Variants in SGIP1 observed in about 807,000 individuals in gnomAD.
The protein encoded by SGIP1 is SH3-containing GRB2-like protein 3-interacting protein 1.
In SGIP1, 38 loss-of-function variants were observed where a neutral mutation model predicts 107.5. That is an observed-to-expected ratio of 0.35 (90% CI 0.27 to 0.46). The LOEUF (loss-of-function observed/expected upper bound fraction) is 0.46. Among genes scored for constraint, SGIP1 ranks in the 20% least tolerant of loss-of-function variants. SGIP1 has a pLI of 1.00. For synonymous variants in SGIP1, 365 were observed against 366.1 expected, an observed-to-expected ratio of 1.00 and a Z score of 0.03; for missense variants, 929 against 1,019.5, an observed-to-expected ratio of 0.91 and a Z score of 1.21.
intron 1 of SGIP1, among the ~76,000 whole-genome samples, chr1:66,591,872 C>T (rs2063696164): frequency 6.6e-6 from 1 of 152,210 alleles, no homozygotes; most frequent in South Asian, 2.1e-4. Flanking sequence ...AGGAAAAGTG[C>T]TGTGCCTCCA....
intron 7 of SGIP1, among the ~76,000 whole-genome samples, chr1:66,659,552 T>C (rs2080467943): frequency 6.6e-6 from 1 of 152,110 alleles, no homozygotes. Context: ...CTCCTCTCAA[T>C]ATTACAAGGC....
intron 18 of SGIP1, among the ~76,000 whole-genome samples, chr1:66,706,106 A>G (rs2092481238): frequency 6.6e-6 from 1 of 151,896 alleles, no homozygotes; most frequent in African/African-American, 2.4e-5. Context: ...AACAAAACAA[A>G]ACAAAAAAAC....
Position 66,544,334 on chromosome 1 carries a change from A to G in SGIP1, c.10+9966A>G, listed in dbSNP as rs570168728. ...TTGATTGGAATTGGCACATGAGATGATATTACCTTGCATTCCTTACCACAA... is the reference window on the plus strand; with the variant it reads ...TTGATTGGAATTGGCACATGAGATGGTATTACCTTGCATTCCTTACCACAA... On this transcript the variant is annotated intron_variant, in intron 1 of 24. Coordinates refer to ENST00000371037, the MANE Select transcript of SGIP1 (RefSeq NM_032291.4). Among the ~76,000 whole-genome samples the G allele has an allele frequency of 3.9e-5, 6 of 152,296 alleles. No homozygotes were observed. In the East Asian group the frequency reaches 7.7e-4, roughly 20 times the overall value.
At chr1:66,687,041 G>T (rs1244593518) in intron 15 of SGIP1, among the ~76,000 whole-genome samples, 1 of 152,176 alleles carries the variant, frequency 6.6e-6, no homozygotes, top group African/African-American at 2.4e-5. Flanking sequence ...AAATCATCTG[G>T]TTCTTCATCC....
At chr1:66,654,332 G>C (rs938197894) in intron 7 of SGIP1, among the ~76,000 whole-genome samples, 6 of 151,968 alleles carry the variant, frequency 3.9e-5, no homozygotes, top group African/African-American at 7.3e-5. Context: ...CTTTAAAAAA[G>C]TTTGTTAATG....
At chr1:66,652,465 G>C (rs1167490563) in intron 7 of SGIP1, among the ~76,000 whole-genome samples, 1 of 152,154 alleles carries the variant, frequency 6.6e-6, no homozygotes, top group Non-Finnish European at 1.5e-5. Context: ...GTGGTACAGT[G>C]AAGTAAAGAA....
At chr1:66,680,460 C>T (rs1400344568) in intron 14 of SGIP1, among the ~76,000 whole-genome samples, 2 of 152,158 alleles carry the variant, frequency 1.3e-5, no homozygotes, top group Admixed American at 6.6e-5. Flanking sequence ...TTATCACCTT[C>T]GGAATTCTGT....
intron 14 of SGIP1, among the ~76,000 whole-genome samples, chr1:66,681,183 T>A (rs1421157848): frequency 1.3e-5 from 2 of 152,210 alleles, no homozygotes; most frequent in Non-Finnish European, 1.5e-5. Flanking sequence ...AAATGCCTCC[T>A]CAATAATCTA....
intron 1 of SGIP1, among the ~76,000 whole-genome samples, chr1:66,592,764 C>T (rs2063853315): frequency 1.3e-5 from 2 of 152,286 alleles, no homozygotes; most frequent in South Asian, 4.2e-4. Flanking sequence ...GACCCTACCC[C>T]TGGAACTACT....
In SGIP1 at chr1:66,733,832, A is replaced by G. The variant is rs1186366878; in HGVS notation, c.1983A>G (p.Glu661=). The stretch of plus-strand genomic sequence containing the variant: ...TGACTCACCTAAAGAAAGTGTCTGA[A>G]CAAAAACCCCAGGCTACATATTATA... ...NLMTHLKKVS[E]QKPQATYYNV... Residue 661 remains glutamate, a synonymous_variant, in exon 21 of 25, where the codon GAA becomes GAG. Transcript: ENST00000371037. 1 of 1,613,724 alleles carries G rather than the reference A, an allele frequency of 6.2e-7. No individual in the cohort carries two copies. The highest frequency in any genetic ancestry group is 1.7e-4 in the Middle Eastern group (1 of 6,056).
intron 2 of SGIP1, among the ~76,000 whole-genome samples, chr1:66,630,539 GCTCACAC>G (rs1156757943): frequency 6.6e-6 from 1 of 151,858 alleles, no homozygotes; most frequent in African/African-American, 2.4e-5. Context: ...AGGCACCGTG[GCTCACAC>G]CTGTAATTCC....
chr1:66,657,125 A>G (rs1158540863), intron 7 of SGIP1, among the ~76,000 whole-genome samples: 1 of 152,306 alleles, frequency 6.6e-6, no homozygotes, highest in East Asian at 1.9e-4. Context: ...AGAGTGAGCT[A>G]TGATTACACC....
rs1223976389 is a variant in SGIP1 at position 66,664,682 on chromosome 1, C to T, written c.472-2848C>T. On this transcript the variant is annotated intron_variant, in intron 8 of 24. Transcript: ENST00000371037. Reference sequence around the variant, plus strand: ...CTTCCTATCTATGTTCTAGAAAGAACATCTTCTACATTTGAACAAACTCCT... The same window carrying T: ...CTTCCTATCTATGTTCTAGAAAGAATATCTTCTACATTTGAACAAACTCCT... Among the ~76,000 whole-genome samples, 8 of 152,278 alleles carry T rather than the reference C, an allele frequency of 5.3e-5. No individual in the cohort carries two copies. The South Asian group carries it at 8.3e-4, about 16-fold the overall frequency.
chr1:66,666,411 C>T, intron 8 of SGIP1: 1 of 173,048 alleles, frequency 5.8e-6, no homozygotes, highest in South Asian at 1.1e-4. Context: ...AGTGTGATGC[C>T]TCCAGCTTTG....
intron 1 of SGIP1, among the ~76,000 whole-genome samples, chr1:66,608,137 G>A (rs2067210898): frequency 6.6e-6 from 1 of 152,204 alleles, no homozygotes; most frequent in African/African-American, 2.4e-5. Flanking sequence ...TGCCATGTTG[G>A]CAAATTGCAG....
chr1:66,681,978 T>G lies in SGIP1; in HGVS notation c.924T>G (p.Ala308=). ...VLSPKSVAVN[A]EEKWVHFSDT... ...CCCCCAAGTCTGTTGCTGTTAATGCTGAAGAAAAGTGGGTCCATTTTTCTG... is the reference window on the plus strand; with the variant it reads ...CCCCCAAGTCTGTTGCTGTTAATGCGGAAGAAAAGTGGGTCCATTTTTCTG... Residue 308 remains alanine, a synonymous_variant, in exon 15 of 25, where the codon GCT becomes GCG. Coordinates refer to ENST00000371037, the MANE Select transcript of SGIP1 (RefSeq NM_032291.4). 1.2e-6 allele frequency: 2 copies of G among 1,614,208 alleles called. No individual in the cohort carries two copies. Among genetic ancestry groups the G allele is most frequent in the African/African-American group, 1.3e-5 (1 of 75,048 alleles).
At chr1:66,701,109 A>G (rs1239574194) in intron 18 of SGIP1, among the ~76,000 whole-genome samples, 1 of 152,198 alleles carries the variant, frequency 6.6e-6, no homozygotes, top group Non-Finnish European at 1.5e-5. Context: ...GTCATAGAGC[A>G]TTCGACTTTC....
intron 18 of SGIP1, among the ~76,000 whole-genome samples, chr1:66,706,462 AATT>A (rs2092523794): frequency 6.8e-6 from 1 of 146,814 alleles, no homozygotes. Flanking sequence ...ATATAATATA[AATT>A]ATAAATATTT....
intron 8 of SGIP1, among the ~76,000 whole-genome samples, chr1:66,662,064 C>A (rs2081604393): frequency 6.6e-6 from 1 of 151,992 alleles, no homozygotes; most frequent in Admixed American, 6.6e-5. Context: ...TGTAGTCGAC[C>A]CAAGTTTAAA....
Sources: allele counts gnomAD v4.1 joint callset (sites outside exome capture counted in the v4.1 genomes callset), GRCh38; gene constraint gnomAD v4.1.1; transcripts MANE v1.5; gene names NCBI Gene and HGNC (gene_info 2026-07-23, HGNC 2026-07-21).